ATP2C1: variants seen among roughly 807,000 people sequenced by gnomAD.
ATP2C1 encodes the protein calcium-transporting ATPase type 2C member 1.
Under a neutral mutation model 120.5 loss-of-function variants are expected in ATP2C1, and 31 were observed. The ratio of observed to expected loss-of-function variants is 0.26; its 90% CI spans 0.19 to 0.35. The LOEUF (loss-of-function observed/expected upper bound fraction) is 0.35, where lower values mean the gene tolerates loss of function less well. Ranked by LOEUF, ATP2C1 falls within the 10% of genes least tolerant of loss-of-function variation. The pLI is 1.00. For synonymous variants in ATP2C1, 351 were observed against 358.7 expected (o/e 0.98, Z 0.24); for missense variants, 731 against 1,107.5 (o/e 0.66, Z 4.83).
chr3:130,903,893 T>G (rs1292813854), intron 2 of ATP2C1, among the ~76,000 whole-genome samples: 1 of 152,050 alleles, frequency 6.6e-6, no homozygotes, highest in East Asian at 1.9e-4. Context: ...CAAATTTCTT[T>G]CAAACCTAGA....
intron 2 of ATP2C1, among the ~76,000 whole-genome samples, chr3:130,920,100 C>CAA (rs1206265747): frequency 1.3e-5 from 2 of 152,092 alleles, no homozygotes; most frequent in African/African-American, 2.4e-5. Context: ...AGCCCCTTGT[C>CAA]AGATGTTTGC....
chr3:130,940,616 T>C lies in ATP2C1; in HGVS notation c.361-14T>C. The C allele has an allele frequency of 6.3e-7, 1 of 1,577,870 alleles. No individual in the cohort carries two copies. Among genetic ancestry groups the C allele is most frequent in the South Asian group, 1.1e-5 (1 of 90,266 alleles). The stretch of plus-strand genomic sequence containing the variant: ...GGGAGCAAAATTAAATTCTACTTTT[T>C]TTTGTTTGAATAGGAATATCGTTCA... On this transcript the variant is annotated splice_polypyrimidine_tract_variant and intron_variant, in intron 6 of 27. Coordinates refer to ENST00000510168, the MANE Select transcript of ATP2C1 (RefSeq NM_001378687.1).
At chr3:130,928,381 C>A (rs2059307948) in intron 2 of ATP2C1, 2 of 152,278 alleles carry the variant, frequency 1.3e-5, no homozygotes, top group African/African-American at 2.4e-5. Flanking sequence ...AGATTTACAG[C>A]TACTTTGAGC....
intron 2 of ATP2C1, among the ~76,000 whole-genome samples, chr3:130,902,273 C>T (rs1251828957): frequency 9.5e-6 from 1 of 105,146 alleles, no homozygotes; most frequent in Non-Finnish European, 1.9e-5. Flanking sequence ...CTGCTAATTT[C>T]AAGGCTTCAC....
intron 8 of ATP2C1, among the ~76,000 whole-genome samples, chr3:130,943,551 G>A (rs2060011505): frequency 6.6e-6 from 1 of 152,134 alleles, no homozygotes; most frequent in South Asian, 2.1e-4. Flanking sequence ...ATAAGCATAT[G>A]TCTTGTGGAG....
At position 130,879,072 on chromosome 3, in the gene ATP2C1, T is replaced by A. The variant is rs973805838; in HGVS notation, c.108+28144T>A. Among the ~76,000 whole-genome samples the A allele has an allele frequency of 5.3e-5, 8 of 152,244 alleles. 1 individual carries two copies. The South Asian group carries it at 1.0e-3, about 20-fold the overall frequency. ...TTCTTCAGTTTTAATATATATATATTTTTTGACAGAGTCTCACTCTGTTGC... is the reference window on the plus strand; with the variant it reads ...TTCTTCAGTTTTAATATATATATATATTTTGACAGAGTCTCACTCTGTTGC... On this transcript the variant is annotated intron_variant, in intron 1 of 26. Transcript: ENST00000504381.
At chr3:130,887,788 TG>T (rs2069025333) in intron 1 of ATP2C1, among the ~76,000 whole-genome samples, 1 of 152,168 alleles carries the variant, frequency 6.6e-6, no homozygotes. Flanking sequence ...GGCCTGGGAT[TG>T]GGGACTTCAC....
chr3:130,869,353 C>T (rs2107763802), intron 1 of ATP2C1: 1 of 157,334 alleles, frequency 6.4e-6, no homozygotes, highest in East Asian at 1.8e-4. Flanking sequence ...TATCTGCTGA[C>T]CTTCCCTCCA....
At chr3:130,897,502 T>C (rs905583693) in intron 2 of ATP2C1, among the ~76,000 whole-genome samples, 18 of 152,226 alleles carry the variant, frequency 1.2e-4, no homozygotes, top group Non-Finnish European at 1.6e-4. Context: ...GTGATGCTGC[T>C]GTTCCCTAGT....
At chr3:131,004,995 A>G (rs911087819), downstream of ATP2C1, among the ~76,000 whole-genome samples, 1 of 152,204 alleles carries the variant, frequency 6.6e-6, no homozygotes, top group Non-Finnish European at 1.5e-5. Context: ...CAGAGGGTCA[A>G]TTGTGAAGAC....
At chr3:130,994,120 G>C (rs547134844) in intron 22 of ATP2C1, 22 bp downstream of exon 22, 2 of 1,613,468 alleles carry the variant, frequency 1.2e-6, no homozygotes, top group Admixed American at 3.3e-5. Flanking sequence ...TTCAGTGAAT[G>C]CCTATCAGAG....
rs573750982 is a variant in ATP2C1, at chr3:130,959,585, T to A, written c.899+244T>A. The A allele has an allele frequency of 2.5e-4, 58 of 233,260 alleles. 1 individual carries two copies. In the South Asian group the frequency reaches 4.7e-3, roughly 19 times the overall value. 14.4% of individuals were successfully genotyped at this position (233,260 alleles called of 1,614,324 possible). A position where few individuals can be genotyped will look rare whatever the true frequency, so the allele number is the denominator to read the frequency against. On this transcript the variant is annotated intron_variant, in intron 12 of 27. Coordinates refer to ENST00000510168, the MANE Select transcript of ATP2C1 (RefSeq NM_001378687.1). The stretch of plus-strand genomic sequence containing the variant: ...TTACTAATGCATTATTGCCTTTTTA[T>A]ATATAAATATACAATTAAGGATTGT...
At chr3:130,941,339 A>G (rs944307490) in intron 7 of ATP2C1, among the ~76,000 whole-genome samples, 20 of 152,114 alleles carry the variant, frequency 1.3e-4, no homozygotes, top group African/African-American at 4.3e-4. Context: ...TGTTCTGGGT[A>G]TAGTGATTCA....
At position 130,980,582 on chromosome 3, in the gene ATP2C1, C is replaced by G; in HGVS notation, c.1742C>G (p.Ala581Gly). The change falls in exon 20 of 28, where the codon GCC becomes GGC. Residue 581 changes from alanine (A) to glycine (G), a missense_variant and splice_region_variant. Transcript: ENST00000510168. ...GDSQETAVAI[A>G]SRLGLYSKTS... The stretch of plus-strand genomic sequence containing the variant: ...ACATTTTCTCTCTCATTTGCTTTAG[C>G]CAGTCGTCTGGGATTGTATTCCAAA... 6.2e-7 allele frequency: 1 copy of G among 1,611,510 alleles called. No homozygotes were observed. The highest frequency in any genetic ancestry group is 8.5e-7 in the Non-Finnish European group (1 of 1,177,968).
chr3:130,988,542 C>T (rs997307711), intron 20 of ATP2C1, among the ~76,000 whole-genome samples: 2 of 152,128 alleles, frequency 1.3e-5, no homozygotes, highest in African/African-American at 2.4e-5. Flanking sequence ...CTGCAACCCA[C>T]GGATACCCAT....
chr3:130,959,033 G>C (rs1329481501), intron 11 of ATP2C1, among the ~76,000 whole-genome samples: 14 of 152,148 alleles, frequency 9.2e-5, no homozygotes, highest in Non-Finnish European at 2.9e-5. Context: ...AAAACTGTGT[G>C]TGTGTGTGCA....
chr3:130,899,965 T>C (rs1005534346), intron 2 of ATP2C1, among the ~76,000 whole-genome samples: 1 of 152,174 alleles, frequency 6.6e-6, no homozygotes, highest in African/African-American at 2.4e-5. Context: ...CATTTGGTCA[T>C]TTCGTAAACA....
intron 1 of ATP2C1, among the ~76,000 whole-genome samples, chr3:130,865,506 T>C (rs2068144022): frequency 6.6e-6 from 1 of 152,146 alleles, no homozygotes; most frequent in African/African-American, 2.4e-5. Context: ...AGCAGAATAA[T>C]ATGGTTTGAC....
At position 130,941,603 on chromosome 3, in the gene ATP2C1, A is replaced by G; in HGVS notation, c.435A>G (p.Gly145=). The change falls in exon 8 of 28, where the codon GGA becomes GGG. Residue 145 remains glycine, a synonymous_variant. Coordinates refer to ENST00000510168, the MANE Select transcript of ATP2C1 (RefSeq NM_001378687.1). The stretch of plus-strand genomic sequence containing the variant: ...TTTCGTGTTACAGTGTGCGTGAAGG[A>G]AAATTGGAGCATACACTTGCCCGAG... ...VPPECHCVRE[G]KLEHTLARDL... The G allele has an allele frequency of 6.2e-7, 1 of 1,613,864 alleles. No individual in the cohort carries two copies. The highest frequency in any genetic ancestry group is 2.2e-5 in the East Asian group (1 of 44,860).
Sources: gnomAD v4.1 joint callset for allele counts (sites outside exome capture counted in the v4.1 genomes callset) on GRCh38, gnomAD v4.1.1 for gene constraint, MANE v1.5 for transcripts, NCBI Gene and HGNC (gene_info 2026-07-23, HGNC 2026-07-21) for gene names.